The following SEC16B variants were observed in gnomAD, a reference collection of about 807,000 sequenced individuals.
SEC16B encodes protein transport protein Sec16B.
Under a neutral mutation model 141.8 loss-of-function variants are expected in SEC16B, and 115 were observed. That is an observed-to-expected ratio of 0.81 (90% confidence interval 0.70 to 0.95). The LOEUF (loss-of-function observed/expected upper bound fraction) is 0.95. Among genes scored for constraint, SEC16B ranks in the 40% least tolerant of loss-of-function variants. The probability of loss-of-function intolerance (pLI) is 0.00; values close to 1 mark genes in which losing one functional copy is unlikely to be tolerated. For missense variants in SEC16B, 1,291 were observed against 1,312.3 expected, an observed-to-expected ratio of 0.98 and a Z score of 0.25; for synonymous variants, 493 against 492.5, an observed-to-expected ratio of 1.00 and a Z score of -0.01.
chr1:177,939,710 G>A lies in SEC16B; in HGVS notation c.2195C>T (p.Thr732Ile). Residue 732 changes from threonine to isoleucine, a missense_variant, in exon 18 of 26, where the codon ACA (threonine) becomes ATA (isoleucine). Physicochemically the swap from Thr to Ile is moderately conservative, Grantham distance 89 (BLOSUM62 -1). This residue lies in a region of SEC16B where 605 missense variants were observed against 614.1 expected (regional missense o/e 0.99). Transcript: ENST00000308284. The part of the protein sequence containing the change: ...TRSDISGAGG[T>I]TTENTFYQDF... ...TTCATCATTTTGGGTACCTGTTGTT[G>A]TTCCTCCGGCTCCCGAAATATCTGA... 6 of 1,593,744 alleles carry A rather than the reference G, an allele frequency of 3.8e-6. No individual in the cohort carries two copies. The highest frequency in any genetic ancestry group is 5.1e-6 in the Non-Finnish European group (6 of 1,168,704).
At chr1:177,979,843 C>T (rs1654332635) in intron 1 of SEC16B, among the ~76,000 whole-genome samples, 2 of 152,008 alleles carry the variant, frequency 1.3e-5, no homozygotes, top group African/African-American at 2.4e-5. Flanking sequence ...CTTATAGAAC[C>T]ATCAGATCTC....
chr1:177,954,008 G>A (rs1369848863), intron 11 of SEC16B, among the ~76,000 whole-genome samples: 1 of 152,152 alleles, frequency 6.6e-6, no homozygotes, highest in Non-Finnish European at 1.5e-5. Context: ...AAAGAAAGAA[G>A]GCTACTGCAA....
In SEC16B at chr1:177,952,726, G is replaced by A. The variant is rs553471962; in HGVS notation, c.1464-731C>T. On this transcript the variant is annotated intron_variant, in intron 11 of 25. Coordinates refer to ENST00000308284, the MANE Select transcript of SEC16B (RefSeq NM_033127.4). ...ATGCTACAATGTGGGGCTGTGGGAC[G>A]TTCATTTTCAAAGCCCAAAGGAAAA... Among the ~76,000 whole-genome samples, 51 of 152,260 alleles carry A rather than the reference G, an allele frequency of 3.3e-4. 1 individual carries two copies. Among genetic ancestry groups the A allele is most frequent in the African/African-American group, 9.9e-4 (41 of 41,542 alleles).
chr1:177,980,744 A>G (rs1027217553), intron 1 of SEC16B, among the ~76,000 whole-genome samples: 4 of 147,754 alleles, frequency 2.7e-5, no homozygotes. Context: ...CCCTCACCAG[A>G]GAAGGTTTCT....
Position 177,932,462 on chromosome 1 carries a change from G to A in SEC16B, c.3012+28C>T, listed in dbSNP as rs185880075. The A allele has an allele frequency of 2.8e-4, 412 of 1,489,210 alleles. 1 individual carries two copies. The highest frequency in any genetic ancestry group is 3.5e-4 in the Middle Eastern group (2 of 5,668). The allele number at this position is 1,489,210 out of a possible 1,614,324, so 92.2% of individuals were successfully genotyped here. A position where few individuals can be genotyped will look rare whatever the true frequency, so the allele number is the denominator to read the frequency against. ...CACACACAGGCATCTGCTGGGGTCC[G>A]AGGCTCCAGCCCAGGGGGGCCGCTT... is the stretch of plus-strand genomic sequence containing the variant. On this transcript the variant is annotated intron_variant, in intron 24 of 25. Transcript: ENST00000308284.
intron 14 of SEC16B, chr1:177,945,247 A>C (rs1266233485): frequency 6.6e-6 from 1 of 152,302 alleles, no homozygotes; most frequent in Non-Finnish European, 1.5e-5. Flanking sequence ...TGGTTGGGGC[A>C]GGTGGTGGGC....
intron 12 of SEC16B, among the ~76,000 whole-genome samples, chr1:177,950,542 A>C (rs1652104129): frequency 6.6e-6 from 1 of 152,242 alleles, no homozygotes. Context: ...ACCCTAAGAC[A>C]GAAAGAGGAA....
At chr1:177,942,419 A>G (rs1464913243) in intron 15 of SEC16B, among the ~76,000 whole-genome samples, 1 of 152,194 alleles carries the variant, frequency 6.6e-6, no homozygotes, top group Non-Finnish European at 1.5e-5. Context: ...GTGCTGGCTC[A>G]TGCCTTGGGA....
rs1654294846 is a variant in SEC16B at position 177,979,041 on chromosome 1, CAG to C, written c.-59+5163_-59+5164del. On this transcript the variant is annotated intron_variant and NMD_transcript_variant, in intron 1 of 24. Coordinates refer to the SEC16B transcript ENST00000528461. ...AAAAGTGATACTTTTACCAAATTCA[CAG>C]AGTGTGTCAGTACCAGTCATCAAGT... Among the ~76,000 whole-genome samples, 7 of 152,208 alleles carry C rather than the reference CAG, an allele frequency of 4.6e-5. No homozygotes were observed. The South Asian group carries it at 1.5e-3, about 32-fold the overall frequency.
At chr1:177,931,237 C>G (rs575624553) in intron 24 of SEC16B, among the ~76,000 whole-genome samples, 1 of 152,338 alleles carries the variant, frequency 6.6e-6, no homozygotes, top group Admixed American at 6.5e-5. Context: ...GGAATACACT[C>G]AGCCATTAAA....
At chr1:177,960,975 G>C (rs766849258) in intron 6 of SEC16B, 36 bp from the exon 7 acceptor site, 1 of 1,562,730 alleles carries the variant, frequency 6.4e-7, no homozygotes, top group Admixed American at 1.7e-5. Flanking sequence ...CATTGTTAGC[G>C]TTACTTCCAT....
intron 15 of SEC16B, among the ~76,000 whole-genome samples, chr1:177,943,667 A>G (rs1282080343): frequency 6.6e-6 from 1 of 152,254 alleles, no homozygotes; most frequent in Non-Finnish European, 1.5e-5. Flanking sequence ...AACACAAGGC[A>G]GCGTGAGCTC....
chr1:177,929,812 A>G lies in SEC16B; in HGVS notation c.*46T>C, dbSNP rs1343148329. The G allele has an allele frequency of 5.6e-6, 9 of 1,600,976 alleles. No individual in the cohort carries two copies. The South Asian group carries it at 1.0e-4, about 18-fold the overall frequency. ...CTGGGAGATTGAGAAAAAGAGAGCA[A>G]GAAAGTTTCAGTCCTGGGAGATGAG... On this transcript the variant is annotated 3_prime_UTR_variant, in exon 26 of 26. Transcript: ENST00000308284.
At position 177,954,368 on chromosome 1, in the gene SEC16B, C is replaced by T. The variant is rs759358915; in HGVS notation, c.1374G>A (p.Leu458=). The T allele has an allele frequency of 5.1e-6, 8 of 1,571,836 alleles. No homozygotes were observed. The highest frequency in any genetic ancestry group is 6.9e-6 in the Non-Finnish European group (8 of 1,157,522). ...ACAAGTGGTTCTTCATGGCCCACTC[C>T]AAGGCTTCCTGAAAACCAAAACATC... ...LLYYGRKKEA[L]EWAMKNHLWG... The change falls in exon 11 of 26, where the codon TTG becomes TTA. Residue 458 remains leucine, a synonymous_variant. Coordinates refer to ENST00000308284, the MANE Select transcript of SEC16B (RefSeq NM_033127.4).
At position 177,933,537 on chromosome 1, in the gene SEC16B, G is replaced by A. The variant is rs371931365; in HGVS notation, c.2671C>T (p.Pro891Ser). The A allele has an allele frequency of 5.0e-6, 8 of 1,613,822 alleles. No homozygotes were observed. The African/African-American group carries it at 1.1e-4, about 22-fold the overall frequency. Residue 891 changes from proline (P) to serine (S), a missense_variant, in exon 21 of 26, where the codon CCC becomes TCC. Transcript: ENST00000308284. Reference sequence around the variant, plus strand: ...TTGCCTCTCTGGGCAGTATTTCGGGGAGAGTTTTTATCAGCCTCATCAGAG... The same window carrying A: ...TTGCCTCTCTGGGCAGTATTTCGGGAAGAGTTTTTATCAGCCTCATCAGAG... ...ESSDEADKNS[P>S]RNTAQRGKLG...
Position 177,962,876 on chromosome 1 carries a change from G to A in SEC16B, c.643-1142C>T, listed in dbSNP as rs12747304. Among the ~76,000 whole-genome samples, 1,395 of 152,218 alleles carry A rather than the reference G, an allele frequency of 9.2e-3. 8 individuals are homozygous for A. Among genetic ancestry groups the A allele is most frequent in the Non-Finnish European group, 0.013 (861 of 68,028 alleles). On this transcript the variant is annotated intron_variant, in intron 5 of 25. Transcript: ENST00000308284. ...AATCCCAGCACTTTGGGAGGCCGAC[G>A]CAGGAGGATCACCTGAGGTAAGGAT...
chr1:177,977,932 G>T (rs191625638), intron 1 of SEC16B, among the ~76,000 whole-genome samples: 1 of 152,162 alleles, frequency 6.6e-6, no homozygotes, highest in Non-Finnish European at 1.5e-5. Context: ...CTGTGATGTG[G>T]ATGAAATGAT....
intron 14 of SEC16B, 139 bp downstream of exon 14, chr1:177,946,281 A>T (rs1651695701): frequency 1.3e-6 from 1 of 747,838 alleles, no homozygotes; most frequent in Admixed American, 2.0e-5. Context: ...ACCTGCACAG[A>T]TAACAATCCC....
Position 177,933,311 on chromosome 1 carries a change from C to T in SEC16B, c.2726G>A (p.Ser909Asn), listed in dbSNP as rs1273277865. ...CCAGCTGAACCAGCCAAACCCTGAGCTCTGGAAGGGGAAGAGGACATTTTA... is the reference window on the plus strand; with the variant it reads ...CCAGCTGAACCAGCCAAACCCTGAGTTCTGGAAGGGGAAGAGGACATTTTA... ...KLGDGKEHTK[S>N]SGFGWFSWFR... The change falls in exon 22 of 26, where the codon AGC becomes AAC. Residue 909 changes from serine (S) to asparagine (N), a missense_variant and splice_region_variant. By Grantham distance (46) the Ser-to-Asn change is conservative. This residue lies in a region of SEC16B where 605 missense variants were observed against 614.1 expected (regional missense o/e 0.99). Coordinates refer to ENST00000308284, the MANE Select transcript of SEC16B (RefSeq NM_033127.4). 1.3e-6 allele frequency: 2 copies of T among 1,598,254 alleles called. No individual in the cohort carries two copies. The highest frequency in any genetic ancestry group is 2.3e-5 in the East Asian group (1 of 44,264).
Sources: gnomAD v4.1 joint callset for allele counts (sites outside exome capture counted in the v4.1 genomes callset) on GRCh38, gnomAD v4.1.1 for gene constraint, gnomAD v4.1.1 regional missense constraint, MANE v1.5 for transcripts, NCBI Gene and HGNC (gene_info 2026-07-23, HGNC 2026-07-21) for gene names.